KLRF1: variants seen among roughly 807,000 people sequenced by gnomAD.
KLRF1 encodes the protein killer cell lectin like receptor F1, also known as killer cell lectin-like receptor subfamily F member 1.
A neutral mutation model predicts 30.7 loss-of-function variants in KLRF1; 27 were observed. The observed-to-expected ratio is 0.88, with a 90% confidence interval of 0.65 to 1.21. The LOEUF (loss-of-function observed/expected upper bound fraction) is 1.21. Ranked by LOEUF, KLRF1 falls within the 50% of genes most tolerant of loss-of-function variation. KLRF1 has a pLI of 0.00. For synonymous variants in KLRF1, 92 were observed against 89.3 expected (o/e 1.03, Z -0.17); for missense variants, 246 against 259.3 (o/e 0.95, Z 0.35).
chr12:9,805,498 G>GA, the KLRF1 span, among the ~76,000 whole-genome samples: 1 of 152,006 alleles, frequency 6.6e-6, no homozygotes, highest in Admixed American at 6.6e-5. Flanking sequence ...TTGCGTTGAT[G>GA]ATTATATTTC....
rs769918620 is a variant in KLRF1 at position 9,841,964 on chromosome 12, G to A, written c.474+13G>A. The A allele has an allele frequency of 6.2e-7, 1 of 1,603,386 alleles. No homozygotes were observed. Among genetic ancestry groups the A allele is most frequent in the Non-Finnish European group, 8.5e-7 (1 of 1,175,674 alleles). On this transcript the variant is annotated intron_variant, in intron 4 of 5. Coordinates refer to ENST00000617889, the MANE Select transcript of KLRF1 (RefSeq NM_016523.3). Reference sequence around the variant, plus strand: ...CCAACTTGAAATGGTAATTGGTCTAGTATCAGGGTTATGGCATCTTTGCAG... The same window carrying A: ...CCAACTTGAAATGGTAATTGGTCTAATATCAGGGTTATGGCATCTTTGCAG...
At chr12:9,816,547 C>CT in the KLRF1 span, among the ~76,000 whole-genome samples, 18,877 of 143,612 alleles carry the variant, frequency 0.13, 1,402 homozygotes, top group East Asian at 0.34. Flanking sequence ...CAAGTAACTT[C>CT]TTTTTTTTTT....
At chr12:9,828,195 T>C (rs60760348) in intron 1 of KLRF1, among the ~76,000 whole-genome samples, 1,699 of 152,012 alleles carry the variant, frequency 0.011, 33 homozygotes, top group African/African-American at 0.038. Flanking sequence ...TTCTCCTGCC[T>C]CAGCCTCCTG....
intron 5 of KLRF1, among the ~76,000 whole-genome samples, chr12:9,842,983 C>T (rs1867738495): frequency 6.6e-6 from 1 of 152,096 alleles, no homozygotes. Context: ...TAATGGTCCC[C>T]AAAGATGTCC....
At chr12:9,803,557 T>C in the KLRF1 span, among the ~76,000 whole-genome samples, 1 of 152,064 alleles carries the variant, frequency 6.6e-6, no homozygotes, top group Admixed American at 6.6e-5. Flanking sequence ...TGGTTTTGTG[T>C]TTTACATTTT....
intron 3 of KLRF1, 91 bp downstream of exon 3, chr12:9,833,543 G>A (rs1867496265): frequency 6.2e-6 from 7 of 1,127,658 alleles, no homozygotes; most frequent in Middle Eastern, 2.1e-4. Context: ...ATAGATTAAA[G>A]TAACAAGTAA....
At chr12:9,808,528 T>A in the KLRF1 span, among the ~76,000 whole-genome samples, 1 of 152,128 alleles carries the variant, frequency 6.6e-6, no homozygotes, top group African/African-American at 2.4e-5. Context: ...TAAAGATCAA[T>A]GACAGGATGG....
the KLRF1 span, among the ~76,000 whole-genome samples, chr12:9,800,662 C>T: frequency 1.3e-5 from 2 of 151,928 alleles, no homozygotes; most frequent in African/African-American, 4.8e-5. Context: ...TGTATATCTT[C>T]TTAACAAGGT....
the KLRF1 span, among the ~76,000 whole-genome samples, chr12:9,808,482 A>G: frequency 2.0e-5 from 3 of 152,142 alleles, no homozygotes; most frequent in Admixed American, 6.5e-5. Context: ...ATATCCTAAT[A>G]TGTTAGAAAA....
intron 1 of KLRF1, among the ~76,000 whole-genome samples, chr12:9,830,903 G>A (rs1010829134): frequency 5.3e-5 from 8 of 151,798 alleles, no homozygotes; most frequent in Non-Finnish European, 1.2e-4. Context: ...AGAAAACACA[G>A]GATAATGAAA....
chr12:9,809,692 T>C, the KLRF1 span, among the ~76,000 whole-genome samples: 1 of 151,896 alleles, frequency 6.6e-6, no homozygotes. Context: ...TTTTGTGTAG[T>C]ATTCAAAGAT....
In KLRF1 at chr12:9,831,983, C is replaced by T. The variant is rs750928552; in HGVS notation, c.86-333C>T. Among the ~76,000 whole-genome samples the T allele has an allele frequency of 3.3e-5, 5 of 152,196 alleles. No homozygotes were observed. In the South Asian group the frequency reaches 1.0e-3, roughly 32 times the overall value. On this transcript the variant is annotated intron_variant, in intron 1 of 5. Transcript: ENST00000617889. ...GATACACATGTATTATCTGTAAATG[C>T]ATGTGCATGTTCATGAGTGCGTGTG... is the stretch of plus-strand genomic sequence containing the variant.
chr12:9,807,120 A>G, the KLRF1 span, among the ~76,000 whole-genome samples: 11 of 152,106 alleles, frequency 7.2e-5, no homozygotes, highest in African/African-American at 2.7e-4. Flanking sequence ...CTTATGATGT[A>G]CAATTAACTT....
intron 5 of KLRF1, among the ~76,000 whole-genome samples, chr12:9,843,162 C>A (rs1867742295): frequency 6.6e-6 from 1 of 152,106 alleles, no homozygotes. Flanking sequence ...GAATTAGAGT[C>A]ATATTGGGAG....
rs1237824068 is a variant in KLRF1, at chr12:9,844,731, A to G, written c.*205A>G. 1.0e-5 allele frequency: 4 copies of G among 400,450 alleles called. No homozygotes were observed. The highest frequency in any genetic ancestry group is 8.0e-5 in the Admixed American group (2 of 25,042). 24.8% of individuals were successfully genotyped at this position (400,450 alleles called of 1,614,324 possible). A position where few individuals can be genotyped will look rare whatever the true frequency, so the allele number is the denominator to read the frequency against. On this transcript the variant is annotated 3_prime_UTR_variant, in exon 6 of 6. Transcript: ENST00000617889. Reference sequence around the variant, plus strand: ...ATGTACACTTCAAAATTTTTACGTGATAGTATAAACCAATGTGACTTCATG... The same window carrying G: ...ATGTACACTTCAAAATTTTTACGTGGTAGTATAAACCAATGTGACTTCATG...
chr12:9,818,225 G>A, the KLRF1 span, among the ~76,000 whole-genome samples: 3 of 152,176 alleles, frequency 2.0e-5, no homozygotes, highest in African/African-American at 4.8e-5. Flanking sequence ...TAGAAGACCC[G>A]TGGTTCTCAT....
the KLRF1 span, among the ~76,000 whole-genome samples, chr12:9,813,991 G>A: frequency 6.6e-6 from 1 of 152,066 alleles, no homozygotes; most frequent in Non-Finnish European, 1.5e-5. Flanking sequence ...ATCCTGCCTC[G>A]GGTCTCAACA....
At chr12:9,812,120 C>T in the KLRF1 span, among the ~76,000 whole-genome samples, 1 of 152,104 alleles carries the variant, frequency 6.6e-6, no homozygotes, top group African/African-American at 2.4e-5. Context: ...AATCCCAGCA[C>T]GTTGGGAGGC....
upstream of KLRF1, among the ~76,000 whole-genome samples, chr12:9,827,046 T>C (rs949774411): frequency 3.0e-4 from 45 of 152,186 alleles, no homozygotes; most frequent in African/African-American, 1.1e-3. Context: ...CAAATTATAC[T>C]GTTAAATTAT....
Sources: gnomAD v4.1 joint callset for allele counts (sites outside exome capture counted in the v4.1 genomes callset) on GRCh38, gnomAD v4.1.1 for gene constraint, MANE v1.5 for transcripts, NCBI Gene and HGNC (gene_info 2026-07-23, HGNC 2026-07-21) for gene names.